Variants in ZFYVE9 observed in about 807,000 individuals in gnomAD.
The protein encoded by ZFYVE9 is zinc finger FYVE-type containing 9, also known as zinc finger FYVE domain-containing protein 9.
ZFYVE9 carries 43 observed loss-of-function variants against 126.7 expected under a neutral mutation model. The ratio of observed to expected loss-of-function variants is 0.34; its 90% CI spans 0.27 to 0.44. ZFYVE9 has a LOEUF of 0.44. ZFYVE9 is among the 20% of genes least tolerant of loss of function. ZFYVE9 has a pLI of 1.00. For missense variants in ZFYVE9, 1,476 were observed against 1,697.0 expected (o/e 0.87, Z 2.29); for synonymous variants, 521 against 597.4 (o/e 0.87, Z 1.87).
At chr1:52,242,897 C>G (rs1645349042) in intron 4 of ZFYVE9, among the ~76,000 whole-genome samples, 1 of 152,040 alleles carries the variant, frequency 6.6e-6, no homozygotes, top group Non-Finnish European at 1.5e-5. Flanking sequence ...GAAGCTGAAC[C>G]CAGGGAAATA....
chr1:52,169,267 G>A (rs1644542609), intron 1 of ZFYVE9, among the ~76,000 whole-genome samples: 1 of 152,124 alleles, frequency 6.6e-6, no homozygotes, highest in Non-Finnish European at 1.5e-5. Context: ...GCCAGACGTG[G>A]TGGTACACGC....
intron 13 of ZFYVE9, among the ~76,000 whole-genome samples, chr1:52,317,659 G>A (rs894529831): frequency 6.6e-6 from 1 of 152,098 alleles, no homozygotes; most frequent in East Asian, 1.9e-4. Context: ...CCAAAAGCCA[G>A]TTCTTTGAGA....
At chr1:52,337,601 G>A (rs1329752958) in intron 15 of ZFYVE9, among the ~76,000 whole-genome samples, 171 bp from the exon 16 acceptor site, 1 of 152,214 alleles carries the variant, frequency 6.6e-6, no homozygotes, top group East Asian at 1.9e-4. Flanking sequence ...TTTAATCTTG[G>A]CATTGCTTCT....
chr1:52,297,341 G>A (rs1277257726), intron 12 of ZFYVE9, among the ~76,000 whole-genome samples: 1 of 151,122 alleles, frequency 6.6e-6, no homozygotes, highest in Non-Finnish European at 1.5e-5. Flanking sequence ...AGGTTCAAGA[G>A]AGTCTCCTGC....
rs367672521 is a variant in ZFYVE9 at position 52,284,333 on chromosome 1, A to G, written c.3025+2517A>G. Reference sequence around the variant, plus strand: ...TGGGATAGGCCTGTGTGAAGAGACTACGGCTGTAGATGGAATCCTGAGAGA... The same window carrying G: ...TGGGATAGGCCTGTGTGAAGAGACTGCGGCTGTAGATGGAATCCTGAGAGA... On this transcript the variant is annotated intron_variant, in intron 10 of 18. Transcript: ENST00000287727. 1.4e-4 allele frequency among the ~76,000 whole-genome samples: 22 copies of G among 152,268 alleles called. No homozygotes were observed. In the East Asian group the frequency reaches 3.7e-3, roughly 25 times the overall value.
intron 1 of ZFYVE9, among the ~76,000 whole-genome samples, chr1:52,151,798 T>A (rs1213943395): frequency 6.6e-6 from 1 of 152,096 alleles, no homozygotes; most frequent in Non-Finnish European, 1.5e-5. Context: ...ATTAGAGACA[T>A]GAGCCACCTC....
intron 1 of ZFYVE9, among the ~76,000 whole-genome samples, chr1:52,143,283 A>G (rs1644278288): frequency 1.3e-5 from 2 of 152,264 alleles, no homozygotes; most frequent in African/African-American, 2.4e-5. Flanking sequence ...GAAATGGGAT[A>G]CATGCTAAAT....
intron 8 of ZFYVE9, among the ~76,000 whole-genome samples, chr1:52,276,358 G>C (rs1645748714): frequency 6.6e-6 from 1 of 151,890 alleles, no homozygotes; most frequent in Non-Finnish European, 1.5e-5. Flanking sequence ...ACTTTTTCTT[G>C]TGCTGTGGAA....
chr1:52,306,064 G>T lies in ZFYVE9; in HGVS notation c.3438+2139G>T, dbSNP rs186354407. On this transcript the variant is annotated intron_variant, in intron 13 of 18. Coordinates refer to ENST00000287727, the MANE Select transcript of ZFYVE9 (RefSeq NM_004799.4). ...CCTGAGCAGAAGAGGCCAGGTCCCCGATGAGGTTCCACCTTCAGGCTAGGA... is the reference window on the plus strand; with the variant it reads ...CCTGAGCAGAAGAGGCCAGGTCCCCTATGAGGTTCCACCTTCAGGCTAGGA... Among the ~76,000 whole-genome samples the T allele has an allele frequency of 2.0e-5, 3 of 152,294 alleles. No homozygotes were observed. The East Asian group carries it at 5.8e-4, about 29-fold the overall frequency.
rs531555934 is a variant in ZFYVE9, at chr1:52,249,405, C to G, written c.2178+9810C>G. On this transcript the variant is annotated intron_variant, in intron 4 of 18. Transcript: ENST00000287727. Reference sequence around the variant, plus strand: ...TTCTCTGATGGTTAGTGATGTTGAGCCTCTTTTCATGTACTTACTGGTCTC... The same window carrying G: ...TTCTCTGATGGTTAGTGATGTTGAGGCTCTTTTCATGTACTTACTGGTCTC... Among the ~76,000 whole-genome samples, 6 of 152,206 alleles carry G rather than the reference C, an allele frequency of 3.9e-5. No homozygotes were observed. In the East Asian group the frequency reaches 1.2e-3, roughly 29 times the overall value.
At position 52,142,092 on chromosome 1, in the gene ZFYVE9, C is replaced by G. The variant is rs1254201200; in HGVS notation, c.-454C>G. ...GGCGCCGGCGGCAGGAGCGGCCACC[C>G]GACGCTGGAGGCTTCGCTGAGGATC... On this transcript the variant is annotated 5_prime_UTR_variant, in exon 1 of 19. Transcript: ENST00000287727. This position sits in a 1 kb window ranked among gnomAD's most constrained non-coding sequence, Gnocchi z 4.5. 1 of 151,286 alleles carries G rather than the reference C, an allele frequency of 6.6e-6. No homozygotes were observed. The highest frequency in any genetic ancestry group is 1.5e-5 in the Non-Finnish European group (1 of 67,690). The allele number at this position is 151,286 out of a possible 1,614,324, so 9.4% of individuals were successfully genotyped here. A position where few individuals can be genotyped will look rare whatever the true frequency, so the allele number is the denominator to read the frequency against.
At chr1:52,249,305 A>T (rs1478952430) in intron 4 of ZFYVE9, among the ~76,000 whole-genome samples, 1 of 152,070 alleles carries the variant, frequency 6.6e-6, no homozygotes, top group Non-Finnish European at 1.5e-5. Context: ...ACTTGTCAAC[A>T]CTTGTTTTCT....
intron 18 of ZFYVE9, among the ~76,000 whole-genome samples, chr1:52,345,520 A>G (rs1557530605): frequency 6.6e-6 from 1 of 152,234 alleles, no homozygotes; most frequent in African/African-American, 2.4e-5. Context: ...GGCTTGCCCA[A>G]TGCTATACTA....
chr1:52,187,878 AT>A (rs1273436099), intron 1 of ZFYVE9, among the ~76,000 whole-genome samples: 1 of 152,182 alleles, frequency 6.6e-6, no homozygotes, highest in Non-Finnish European at 1.5e-5. Context: ...TTCAGCCATT[AT>A]GGAAAACGAT....
chr1:52,242,122 C>T (rs1243387897), intron 4 of ZFYVE9, among the ~76,000 whole-genome samples: 1 of 149,596 alleles, frequency 6.7e-6, no homozygotes, highest in African/African-American at 2.5e-5. Flanking sequence ...ACCTCTGCCT[C>T]CTGGGCTCAG....
At chr1:52,151,996 A>G (rs994667486) in intron 1 of ZFYVE9, among the ~76,000 whole-genome samples, 10 of 146,446 alleles carry the variant, frequency 6.8e-5, no homozygotes, top group Admixed American at 2.0e-4. Flanking sequence ...TATTACCCCA[A>G]TTTTTTTTTT....
At chr1:52,159,678 G>A (rs1456018667) in intron 1 of ZFYVE9, among the ~76,000 whole-genome samples, 2 of 152,146 alleles carry the variant, frequency 1.3e-5, no homozygotes, top group Non-Finnish European at 2.9e-5. Flanking sequence ...AGCTAACTGT[G>A]CACCTAGAAG....
At chr1:52,183,327 T>A (rs941652367) in intron 1 of ZFYVE9, among the ~76,000 whole-genome samples, 4 of 152,218 alleles carry the variant, frequency 2.6e-5, no homozygotes, top group Non-Finnish European at 4.4e-5. Context: ...TTGGGATATA[T>A]GTTTGTTGTA....
At chr1:52,266,559 A>G in intron 5 of ZFYVE9, 96 bp from the exon 6 acceptor site, 1 of 1,093,470 alleles carries the variant, frequency 9.1e-7, no homozygotes, top group Non-Finnish European at 1.3e-6. Flanking sequence ...ATGAGTATTA[A>G]TTAGGAGAAG....
Sources: allele counts gnomAD v4.1 joint callset (sites outside exome capture counted in the v4.1 genomes callset), GRCh38; gene constraint gnomAD v4.1.1; non-coding constraint Gnocchi (gnomAD v3.1); transcripts MANE v1.5; gene names NCBI Gene and HGNC (gene_info 2026-07-23, HGNC 2026-07-21).